Variants in RSRC1 observed in about 807,000 individuals in gnomAD.
RSRC1 encodes serine/Arginine-related protein 53.
Under a neutral mutation model 49.1 loss-of-function variants are expected in RSRC1, and 39 were observed. That is an observed-to-expected ratio of 0.79 (90% CI 0.61 to 1.04). The LOEUF (loss-of-function observed/expected upper bound fraction) is 1.04. Ranked by LOEUF, RSRC1 falls within the 50% of genes least tolerant of loss-of-function variation. The pLI is 0.00. For synonymous variants in RSRC1, 143 were observed against 130.8 expected (o/e 1.09, Z -0.63); for missense variants, 388 against 402.4 (o/e 0.96, Z 0.31).
At chr3:158,252,012 G>A (rs1724235531) in intron 4 of RSRC1, among the ~76,000 whole-genome samples, 1 of 152,018 alleles carries the variant, frequency 6.6e-6, no homozygotes, top group South Asian at 2.1e-4. Context: ...CTTTTTGAGG[G>A]TTTTTGTTAT....
At chr3:158,509,985 TC>T (rs1448472201) in intron 7 of RSRC1, among the ~76,000 whole-genome samples, 2 of 152,208 alleles carry the variant, frequency 1.3e-5, no homozygotes, top group Admixed American at 1.3e-4. Flanking sequence ...ACACACATCT[TC>T]AGTTCAACCA....
Position 158,211,437 on chromosome 3 carries a change from C to G in RSRC1, c.494+8192C>G, listed in dbSNP as rs543137686. Among the ~76,000 whole-genome samples, 2 of 151,918 alleles carry G rather than the reference C, an allele frequency of 1.3e-5. 1 individual carries two copies. Among genetic ancestry groups the G allele is most frequent in the African/African-American group, 4.8e-5 (2 of 41,482 alleles). Reference sequence around the variant, plus strand: ...AGGAGTAGACACAAACGTAGGCTACCAAAAATCTAGCCATGAATAACGTAA... The same window carrying G: ...AGGAGTAGACACAAACGTAGGCTACGAAAAATCTAGCCATGAATAACGTAA... On this transcript the variant is annotated intron_variant, in intron 4 of 9. Coordinates refer to ENST00000611884, the MANE Select transcript of RSRC1 (RefSeq NM_001271838.2).
intron 4 of RSRC1, among the ~76,000 whole-genome samples, chr3:158,207,044 T>C (rs1309850170): frequency 1.3e-5 from 2 of 152,226 alleles, no homozygotes; most frequent in East Asian, 1.9e-4. Flanking sequence ...CCTATTAATA[T>C]AGATGAAGGT....
intron 8 of RSRC1, among the ~76,000 whole-genome samples, chr3:158,540,979 G>C (rs1713000212): frequency 6.6e-6 from 1 of 152,192 alleles, no homozygotes; most frequent in Non-Finnish European, 1.5e-5. Flanking sequence ...CCAGCTTTCT[G>C]TATGAGGGCA....
chr3:158,451,493 G>A (rs185038943), intron 6 of RSRC1, among the ~76,000 whole-genome samples: 2 of 151,828 alleles, frequency 1.3e-5, no homozygotes, highest in East Asian at 1.9e-4. Context: ...TTTCTTTCCG[G>A]TGTGACCTAG....
At chr3:158,535,829 G>A (rs935390126) in intron 7 of RSRC1, among the ~76,000 whole-genome samples, 11 of 151,242 alleles carry the variant, frequency 7.3e-5, no homozygotes, top group Admixed American at 5.3e-4. Context: ...GTCACCTTTG[G>A]ACCAAAATTG....
Position 158,419,369 on chromosome 3 carries a change from A to G in RSRC1, c.584-41566A>G, listed in dbSNP as rs958135284. 3.8e-4 allele frequency among the ~76,000 whole-genome samples: 58 copies of G among 151,974 alleles called. 1 individual carries two copies. The highest frequency in any genetic ancestry group is 1.2e-3 in the African/African-American group (50 of 41,520). On this transcript the variant is annotated intron_variant, in intron 6 of 9. Transcript: ENST00000611884. ...CTCAGATATGGTCATAGCATCCACA[A>G]ATAGAGAGTGGCCATTTGTGGGGAT... is the stretch of plus-strand genomic sequence containing the variant.
At chr3:158,330,909 A>G (rs915602611) in intron 5 of RSRC1, among the ~76,000 whole-genome samples, 7 of 152,024 alleles carry the variant, frequency 4.6e-5, no homozygotes, top group Non-Finnish European at 1.0e-4. Flanking sequence ...AAAAAGGTTT[A>G]ATGGACTCAC....
chr3:158,367,275 T>C (rs1248613173), intron 6 of RSRC1, among the ~76,000 whole-genome samples: 2 of 152,192 alleles, frequency 1.3e-5, no homozygotes, highest in Admixed American at 6.5e-5. Flanking sequence ...TGTGGGTTTG[T>C]CATAAATAGC....
At chr3:158,457,446 G>A (rs1236952748) in intron 6 of RSRC1, among the ~76,000 whole-genome samples, 1 of 152,100 alleles carries the variant, frequency 6.6e-6, no homozygotes, top group Non-Finnish European at 1.5e-5. Context: ...GTTCAACTGT[G>A]GATGTGATTT....
intron 6 of RSRC1, among the ~76,000 whole-genome samples, chr3:158,407,749 A>G (rs1734230213): frequency 6.6e-6 from 1 of 152,214 alleles, no homozygotes; most frequent in Admixed American, 6.5e-5. Flanking sequence ...CACCTCATCA[A>G]GAAGTTCATT....
chr3:158,313,779 C>T (rs888427033), intron 5 of RSRC1, among the ~76,000 whole-genome samples: 1 of 152,060 alleles, frequency 6.6e-6, no homozygotes, highest in South Asian at 2.1e-4. Context: ...TATTTATATC[C>T]CAGCTCATTT....
At chr3:158,198,379 G>A (rs1446059172) in intron 3 of RSRC1, among the ~76,000 whole-genome samples, 4 of 152,100 alleles carry the variant, frequency 2.6e-5, no homozygotes, top group African/African-American at 4.8e-5. Flanking sequence ...TTGAGCTTAT[G>A]TGTATCTCTG....
chr3:158,190,481 A>G (rs1720174389), intron 3 of RSRC1, among the ~76,000 whole-genome samples: 1 of 151,574 alleles, frequency 6.6e-6, no homozygotes, highest in African/African-American at 2.4e-5. Context: ...GCACCTTATA[A>G]TTTAATATTC....
intron 7 of RSRC1, among the ~76,000 whole-genome samples, chr3:158,465,899 A>G (rs1737864954): frequency 6.6e-6 from 1 of 152,112 alleles, no homozygotes; most frequent in South Asian, 2.1e-4. Flanking sequence ...ACATTGCTTC[A>G]TTGCATATTT....
intron 3 of RSRC1, among the ~76,000 whole-genome samples, chr3:158,191,382 T>C (rs930249711): frequency 2.0e-4 from 31 of 152,234 alleles, no homozygotes; most frequent in African/African-American, 7.2e-4. Flanking sequence ...AGGACTTAAC[T>C]GAATAGACTA....
At chr3:158,222,160 A>C (rs1298037881) in intron 4 of RSRC1, among the ~76,000 whole-genome samples, 2 of 151,548 alleles carry the variant, frequency 1.3e-5, no homozygotes, top group African/African-American at 4.8e-5. Flanking sequence ...ACATTGTGCA[A>C]AACATTCTGA....
intron 7 of RSRC1, among the ~76,000 whole-genome samples, chr3:158,527,832 T>C (rs1310867135): frequency 6.6e-6 from 1 of 151,974 alleles, no homozygotes; most frequent in Non-Finnish European, 1.5e-5. Context: ...ATTCCTCTTT[T>C]CCCTAATTCA....
chr3:158,433,609 T>C (rs1257079028), intron 6 of RSRC1, among the ~76,000 whole-genome samples: 2 of 151,968 alleles, frequency 1.3e-5, no homozygotes, highest in African/African-American at 4.8e-5. Flanking sequence ...TATTACTTAG[T>C]AGTAGCTAAA....
Sources: allele counts gnomAD v4.1 joint callset (sites outside exome capture counted in the v4.1 genomes callset), GRCh38; gene constraint gnomAD v4.1.1; transcripts MANE v1.5; gene names NCBI Gene and HGNC (gene_info 2026-07-23, HGNC 2026-07-21).